The following SMC1B variants were observed in gnomAD, a reference collection of about 807,000 sequenced individuals.
SMC1B encodes the protein structural maintenance of chromosomes 1B, also known as structural maintenance of chromosomes protein 1B.
In SMC1B, 60 loss-of-function variants were observed where a neutral mutation model predicts 157.9. The ratio of observed to expected loss-of-function variants is 0.38; its 90% CI spans 0.31 to 0.47. The LOEUF (loss-of-function observed/expected upper bound fraction) is 0.47. Among genes scored for constraint, SMC1B ranks in the 20% least tolerant of loss-of-function variants. The pLI is 0.99. For synonymous variants in SMC1B, 445 were observed against 483.0 expected (o/e 0.92, Z 1.03); for missense variants, 1,165 against 1,426.2 (o/e 0.82, Z 2.95).
rs537981348 is a variant in SMC1B, at chr22:45,345,588, C to T, written c.3496-19G>A. 2.1e-4 allele frequency: 311 copies of T among 1,455,900 alleles called. 3 individuals carry two copies. In the South Asian group the frequency reaches 3.4e-3, roughly 16 times the overall value. The allele number at this position is 1,455,900 out of a possible 1,614,324, so 90.2% of individuals were successfully genotyped here. ...TTGACACCTGGAAGAAATAAAAACA[C>T]ACATTTCACTAGGAAGGAAAGGCCT... On this transcript the variant is annotated intron_variant, in intron 23 of 24. Transcript: ENST00000357450.
At chr22:45,402,610 T>G (rs1412186355) in intron 4 of SMC1B, 39 bp from the exon 5 acceptor site, 1 of 1,442,234 alleles carries the variant, frequency 6.9e-7, no homozygotes, top group East Asian at 2.3e-5. Flanking sequence ...TAAAAGGGAG[T>G]GTATTTAAGT....
intron 9 of SMC1B, among the ~76,000 whole-genome samples, chr22:45,390,811 G>A (rs1246368782): frequency 6.6e-6 from 1 of 152,034 alleles, no homozygotes; most frequent in Non-Finnish European, 1.5e-5. Context: ...AACTTTACTA[G>A]AAAATGTTTG....
chr22:45,359,932 ACTT>A lies in SMC1B; in HGVS notation c.2732_2734del (p.Glu911del), dbSNP rs777108869. The A allele has an allele frequency of 2.0e-4, 319 of 1,613,742 alleles. 1 individual carries two copies. The highest frequency in any genetic ancestry group is 2.4e-4 in the Non-Finnish European group (287 of 1,179,874). On this transcript the variant is annotated inframe_deletion, in exon 18 of 25. Transcript: ENST00000357450. ...TTCCAGAGAAGTTTGAATACTTACAACTTCTTTTTGCAATTTCCCCACTTCCCT... is the reference window on the plus strand; with the variant it reads ...TTCCAGAGAAGTTTGAATACTTACAACTTTTTGCAATTTCCCCACTTCCCT...
chr22:45,406,207 A>G (rs533903705), intron 4 of SMC1B, among the ~76,000 whole-genome samples: 4 of 152,176 alleles, frequency 2.6e-5, no homozygotes, highest in Non-Finnish European at 5.9e-5. Context: ...GCCACATAAG[A>G]CATAAACCCC....
intron 23 of SMC1B, among the ~76,000 whole-genome samples, chr22:45,347,310 T>C (rs902921089): frequency 4.6e-5 from 7 of 152,206 alleles, no homozygotes; most frequent in African/African-American, 7.2e-5. Context: ...ATGGAGTTGA[T>C]GTGATACTCT....
chr22:45,394,602 C>T (rs976066948), intron 8 of SMC1B, 83 bp downstream of exon 8: 5 of 1,357,150 alleles, frequency 3.7e-6, no homozygotes, highest in South Asian at 1.7e-5. Flanking sequence ...CGCCACTGCA[C>T]TCTGGCCTGG....
chr22:45,407,736 C>T (rs2087279596), intron 2 of SMC1B, among the ~76,000 whole-genome samples: 1 of 151,720 alleles, frequency 6.6e-6, no homozygotes, highest in Admixed American at 6.6e-5. Context: ...GGCATGAGCC[C>T]CATGCCCAGC....
At chr22:45,349,638 G>T in intron 23 of SMC1B, 90 bp downstream of exon 23, 3 of 1,212,450 alleles carry the variant, frequency 2.5e-6, no homozygotes, top group Non-Finnish European at 3.6e-6. Flanking sequence ...CTAGACCAAG[G>T]ACTGATTTTT....
intron 15 of SMC1B, among the ~76,000 whole-genome samples, chr22:45,365,861 T>C (rs546047109): frequency 6.6e-6 from 1 of 152,142 alleles, no homozygotes; most frequent in South Asian, 2.1e-4. Context: ...GGGAAAAAAC[T>C]CCAAAATTCT....
Position 45,387,010 on chromosome 22 carries a change from C to A in SMC1B, c.1768G>T (p.Gly590Cys). 1 of 1,613,918 alleles carries A rather than the reference C, an allele frequency of 6.2e-7. No homozygotes were observed. Residue 590 changes from glycine to cysteine, a missense_variant, in exon 11 of 25, where the codon GGC (glycine) becomes TGC (cysteine). Gly to Cys is a radical substitution (Grantham distance 159, BLOSUM62 -3). Coordinates refer to ENST00000357450, the MANE Select transcript of SMC1B (RefSeq NM_148674.5). ...ATGACATCAATCACCATTTTACAGCCTTTAAGCTCCCTTAGTCTTTCATTG... is the reference window on the plus strand; with the variant it reads ...ATGACATCAATCACCATTTTACAGCATTTAAGCTCCCTTAGTCTTTCATTG... ...PINERLRELK[G>C]CKMVIDVIKT...
chr22:45,408,575 T>C (rs1280105404), intron 2 of SMC1B, 135 bp downstream of exon 2: 1 of 564,142 alleles, frequency 1.8e-6, no homozygotes, highest in East Asian at 3.2e-5. Flanking sequence ...TTCTGAGATA[T>C]GCTATGCAAG....
At chr22:45,383,794 A>G (rs1403746752) in intron 11 of SMC1B, among the ~76,000 whole-genome samples, 181 bp from the exon 12 acceptor site, 1 of 152,162 alleles carries the variant, frequency 6.6e-6, no homozygotes, top group African/African-American at 2.4e-5. Flanking sequence ...CAAATATAAA[A>G]CCCATTTTAC....
intron 23 of SMC1B, among the ~76,000 whole-genome samples, chr22:45,346,258 A>T (rs1409413352): frequency 6.6e-6 from 1 of 152,196 alleles, no homozygotes; most frequent in African/African-American, 2.4e-5. Flanking sequence ...TATTTTGCCA[A>T]CTCAGCCTGA....
At chr22:45,408,942 A>G (rs748226295) in intron 1 of SMC1B, 44 bp from the exon 2 acceptor site, 1 of 1,256,696 alleles carries the variant, frequency 8.0e-7, no homozygotes, top group South Asian at 1.7e-5. Flanking sequence ...CTTAATGATA[A>G]AAAGCCCTAC....
chr22:45,392,803 C>T (rs1007065578), intron 9 of SMC1B, among the ~76,000 whole-genome samples: 1 of 152,012 alleles, frequency 6.6e-6, no homozygotes, highest in Admixed American at 6.6e-5. Flanking sequence ...CGGGTTCAAG[C>T]GATTCTCCTA....
intron 15 of SMC1B, among the ~76,000 whole-genome samples, chr22:45,369,301 G>C (rs960794177): frequency 6.6e-6 from 1 of 151,094 alleles, no homozygotes; most frequent in Non-Finnish European, 1.5e-5. Flanking sequence ...TTTCACCGTG[G>C]TAGCCAGGAT....
chr22:45,402,991 T>G (rs1342314575), intron 4 of SMC1B, among the ~76,000 whole-genome samples: 12 of 152,244 alleles, frequency 7.9e-5, no homozygotes, highest in Non-Finnish European at 1.8e-4. Flanking sequence ...GAAGTAGTTT[T>G]TCTACCGATA....
chr22:45,383,496 T>G lies in SMC1B; in HGVS notation c.2029A>C (p.Arg677=). ...DEKELKNLRD[R]RSQKIQELKG... is the part of the protein sequence containing the mutation. ...AGCTCTTGGATTTTCTGGCTTCGTC[T>G]GTCTCTTAGATTCTTTAACTCTTTC... Residue 677 remains arginine, a synonymous_variant, in exon 12 of 25, where the codon AGA becomes CGA. Coordinates refer to ENST00000357450, the MANE Select transcript of SMC1B (RefSeq NM_148674.5). 14 of 1,604,948 alleles carry G rather than the reference T, an allele frequency of 8.7e-6. No individual in the cohort carries two copies. Among genetic ancestry groups the G allele is most frequent in the Non-Finnish European group, 1.2e-5 (14 of 1,177,286 alleles).
At chr22:45,389,941 G>A (rs2087038106) in intron 9 of SMC1B, 44 bp from the exon 10 acceptor site, 3 of 1,462,700 alleles carry the variant, frequency 2.1e-6, no homozygotes, top group Admixed American at 3.7e-5. Context: ...ATATATTAGA[G>A]TGAAATATAT....
Sources: allele counts gnomAD v4.1 joint callset (sites outside exome capture counted in the v4.1 genomes callset), GRCh38; gene constraint gnomAD v4.1.1; transcripts MANE v1.5; gene names NCBI Gene and HGNC (gene_info 2026-07-23, HGNC 2026-07-21).